Variants in RALGAPA2 observed in about 807,000 individuals in gnomAD.
The protein encoded by RALGAPA2 is ral GTPase-activating protein subunit alpha-2.
In RALGAPA2, 139 loss-of-function variants were observed where a neutral mutation model predicts 230.4. That is an observed-to-expected ratio of 0.60 (90% CI 0.53 to 0.69). The LOEUF (loss-of-function observed/expected upper bound fraction) is 0.69. Ranked by LOEUF, RALGAPA2 falls within the 30% of genes least tolerant of loss-of-function variation. RALGAPA2 has a pLI of 0.00. For synonymous variants in RALGAPA2, 847 were observed against 837.8 expected, an observed-to-expected ratio of 1.01 and a Z score of -0.19; for missense variants, 2,163 against 2,276.0, an observed-to-expected ratio of 0.95 and a Z score of 1.01.
At chr20:20,455,366 C>G (rs2061089422) in intron 37 of RALGAPA2, among the ~76,000 whole-genome samples, 1 of 152,216 alleles carries the variant, frequency 6.6e-6, no homozygotes, top group African/African-American at 2.4e-5. Context: ...CTTCACATCA[C>G]CCATGAGTTA....
chr20:20,462,226 A>T (rs1174378827), intron 37 of RALGAPA2, among the ~76,000 whole-genome samples: 2 of 152,252 alleles, frequency 1.3e-5, no homozygotes, highest in African/African-American at 4.8e-5. Context: ...AGGTTTTCTA[A>T]GGAATAATGA....
chr20:20,405,387 C>T (rs1161996038), intron 38 of RALGAPA2, among the ~76,000 whole-genome samples: 1 of 152,168 alleles, frequency 6.6e-6, no homozygotes, highest in Non-Finnish European at 1.5e-5. Flanking sequence ...GCATGAGATT[C>T]CCAGAGCCTT....
chr20:20,553,835 T>G (rs2063999426), intron 23 of RALGAPA2, among the ~76,000 whole-genome samples: 1 of 152,186 alleles, frequency 6.6e-6, no homozygotes, highest in Admixed American at 6.5e-5. Context: ...AAGAAAAACT[T>G]GGCTGGCCTT....
chr20:20,513,830 G>A (rs986561705), intron 31 of RALGAPA2, among the ~76,000 whole-genome samples: 6 of 152,206 alleles, frequency 3.9e-5, no homozygotes, highest in South Asian at 4.1e-4. Flanking sequence ...TGTGGAAAGC[G>A]CACCAGCAGG....
chr20:20,644,421 A>G (rs2067142471), intron 4 of RALGAPA2, among the ~76,000 whole-genome samples: 1 of 152,238 alleles, frequency 6.6e-6, no homozygotes, highest in South Asian at 2.1e-4. Flanking sequence ...CTAACAAGAG[A>G]GCCAGTGTTT....
At chr20:20,504,227 A>G (rs1388443132) in intron 34 of RALGAPA2, among the ~76,000 whole-genome samples, 2 of 152,234 alleles carry the variant, frequency 1.3e-5, no homozygotes, top group African/African-American at 4.8e-5. Flanking sequence ...ACTATATTCT[A>G]TGACAAATTA....
At chr20:20,610,110 T>C (rs528568636) in intron 14 of RALGAPA2, among the ~76,000 whole-genome samples, 8 of 150,200 alleles carry the variant, frequency 5.3e-5, no homozygotes, top group Non-Finnish European at 8.8e-5. Flanking sequence ...ATTCTAGATA[T>C]GCTTTTTAAC....
intron 31 of RALGAPA2, among the ~76,000 whole-genome samples, chr20:20,520,346 C>T (rs978034200): frequency 6.6e-6 from 1 of 152,162 alleles, no homozygotes; most frequent in African/African-American, 2.4e-5. Context: ...TCTTATCATT[C>T]TGGGGAGAGG....
intron 35 of RALGAPA2, among the ~76,000 whole-genome samples, chr20:20,499,699 T>C (rs1039253211): frequency 3.3e-5 from 5 of 152,184 alleles, no homozygotes; most frequent in Non-Finnish European, 7.3e-5. Context: ...GAGGTCATTA[T>C]AGCATGCTGG....
intron 1 of RALGAPA2, among the ~76,000 whole-genome samples, chr20:20,706,752 AT>A (rs2069624895): frequency 6.6e-6 from 1 of 152,066 alleles, no homozygotes; most frequent in Non-Finnish European, 1.5e-5. Context: ...ACATTTTCTG[AT>A]ATGTAAATTT....
chr20:20,635,036 G>A (rs1272812228), intron 9 of RALGAPA2, among the ~76,000 whole-genome samples: 2 of 152,142 alleles, frequency 1.3e-5, no homozygotes, highest in African/African-American at 2.4e-5. Flanking sequence ...CTTTCCAGGG[G>A]CCACTTACAG....
At chr20:20,502,496 A>G (rs2062406461) in intron 35 of RALGAPA2, among the ~76,000 whole-genome samples, 1 of 152,212 alleles carries the variant, frequency 6.6e-6, no homozygotes, top group Non-Finnish European at 1.5e-5. Flanking sequence ...CTGTGTTTTT[A>G]ATCTCACTTA....
chr20:20,693,372 A>G (rs1366655725), intron 1 of RALGAPA2, among the ~76,000 whole-genome samples: 4 of 152,256 alleles, frequency 2.6e-5, no homozygotes, highest in Non-Finnish European at 4.4e-5. Flanking sequence ...TGTGAGTTAT[A>G]TTACATTTTA....
At chr20:20,690,941 T>C (rs528816168) in intron 1 of RALGAPA2, among the ~76,000 whole-genome samples, 14 of 152,274 alleles carry the variant, frequency 9.2e-5, no homozygotes, top group African/African-American at 3.4e-4. Context: ...CCCGACTGTC[T>C]TTCAGTATAT....
chr20:20,607,406 A>G lies in RALGAPA2; in HGVS notation c.1801-1994T>C, dbSNP rs6046958. On this transcript the variant is annotated intron_variant, in intron 14 of 39. Transcript: ENST00000202677. ...ATAAAAAACAAGATATTAACCACTT[A>G]TATTTAAAGTCTGATTCTAACATGT... 3.5e-3 allele frequency among the ~76,000 whole-genome samples: 526 copies of G among 152,304 alleles called. 5 individuals are homozygous for G. The highest frequency in any genetic ancestry group is 0.012 in the African/African-American group (496 of 41,582).
chr20:20,544,338 C>CAAA lies in RALGAPA2; in HGVS notation c.3285+2363_3285+2365dup, dbSNP rs78312536. Among the ~76,000 whole-genome samples the CAAA allele has an allele frequency of 6.7e-3, 603 of 89,390 alleles. 4 individuals are homozygous for CAAA. The highest frequency in any genetic ancestry group is 0.022 in the African/African-American group (577 of 26,360). 58.6% of individuals were successfully genotyped at this position (89,390 alleles called of 152,430 possible). On this transcript the variant is annotated intron_variant, in intron 24 of 39. Coordinates refer to ENST00000202677, the MANE Select transcript of RALGAPA2 (RefSeq NM_020343.4). ...TGGGTGACAGAGCAAGACTCTGTCT[C>CAAA]AAAAAAAAAAAAAAAAGTCAGGAAA...
chr20:20,533,034 C>A, intron 26 of RALGAPA2, among the ~76,000 whole-genome samples: 5 of 143,628 alleles, frequency 3.5e-5, no homozygotes, highest in South Asian at 2.2e-4. Flanking sequence ...GAAAAAAAAT[C>A]CAAAAAAAAA....
chr20:20,399,542 C>T (rs963873323), intron 38 of RALGAPA2, among the ~76,000 whole-genome samples: 2 of 152,134 alleles, frequency 1.3e-5, no homozygotes, highest in African/African-American at 2.4e-5. Flanking sequence ...GGCCAACTGG[C>T]GGCTCAGACA....
intron 33 of RALGAPA2, among the ~76,000 whole-genome samples, chr20:20,508,598 C>T (rs2062604941): frequency 6.6e-6 from 1 of 152,114 alleles, no homozygotes; most frequent in Admixed American, 6.5e-5. Flanking sequence ...CTCAACTTTT[C>T]CAAAGAACAT....
Sources: allele counts gnomAD v4.1 joint callset (sites outside exome capture counted in the v4.1 genomes callset), GRCh38; gene constraint gnomAD v4.1.1; transcripts MANE v1.5; gene names NCBI Gene and HGNC (gene_info 2026-07-23, HGNC 2026-07-21).